GPM6B: variants seen among roughly 807,000 people sequenced by gnomAD.
GPM6B encodes glycoprotein M6B, also known as neuronal membrane glycoprotein M6-b.
GPM6B carries 4 observed loss-of-function variants against 27.2 expected under a neutral mutation model. That is an observed-to-expected ratio of 0.15 (90% CI 0.07 to 0.34). GPM6B has a LOEUF of 0.34. Among genes scored for constraint, GPM6B ranks in the 10% least tolerant of loss-of-function variants. The pLI, the probability that GPM6B is intolerant of heterozygous loss-of-function variation, is 1.00. For synonymous variants in GPM6B, 124 were observed against 103.1 expected (o/e 1.20, Z -1.23); for missense variants, 183 against 261.9 (o/e 0.70, Z 2.08).
rs1470093867 is a variant in GPM6B at position 13,810,802 on chromosome X, C to A, written c.62-3033G>T. Reference sequence around the variant, plus strand: ...GAAGACACACCGATGGGATCGGCAACTGGATGGATGTGTTCCAAATCCCCT... The same window carrying A: ...GAAGACACACCGATGGGATCGGCAAATGGATGGATGTGTTCCAAATCCCCT... On this transcript the variant is annotated intron_variant, in intron 1 of 7. Transcript: ENST00000316715. Among the ~76,000 whole-genome samples, 3 of 105,734 alleles carry A rather than the reference C, an allele frequency of 2.8e-5. No individual in the cohort carries two copies. The Admixed American group carries it at 3.0e-4, about 11-fold the overall frequency. 91.8% of individuals were successfully genotyped at this position (105,734 alleles called of 115,157 possible). A position where few individuals can be genotyped will look rare whatever the true frequency, so the allele number is the denominator to read the frequency against.
intron 1 of GPM6B, among the ~76,000 whole-genome samples, chrX:13,916,600 A>C (rs1894451129): frequency 9.0e-6 from 1 of 110,550 alleles, no homozygotes; most frequent in South Asian, 3.9e-4. Context: ...TATTGGATGG[A>C]AACTAATGCA....
chrX:13,904,218 C>T (rs1427005804), intron 1 of GPM6B, among the ~76,000 whole-genome samples: 1 of 111,572 alleles, frequency 9.0e-6, no homozygotes, highest in African/African-American at 3.3e-5. Context: ...TCTGTTAATG[C>T]TAGTGGAGGT....
chrX:13,920,880 G>A (rs1360395369), intron 1 of GPM6B, among the ~76,000 whole-genome samples: 3 of 100,677 alleles, frequency 3.0e-5, no homozygotes. Flanking sequence ...GATAGAGTGA[G>A]ATTCCGCCTC....
At chrX:13,863,332 T>C (rs73633582) in intron 1 of GPM6B, among the ~76,000 whole-genome samples, 1,136 of 111,087 alleles carry the variant, frequency 0.01, 17 homozygotes, top group African/African-American at 0.034. Context: ...GAAAAAAAAT[T>C]TACTGAGCTG....
intron 2 of GPM6B, among the ~76,000 whole-genome samples, chrX:13,789,835 C>A (rs1025201640): frequency 4.6e-5 from 5 of 109,712 alleles, no homozygotes; most frequent in African/African-American, 1.6e-4. Context: ...GAAGCCACTG[C>A]GTTTTTTTTT....
chrX:13,840,060 T>C (rs1383021424), intron 1 of GPM6B, among the ~76,000 whole-genome samples: 1 of 112,162 alleles, frequency 8.9e-6, no homozygotes, highest in African/African-American at 3.2e-5. Context: ...CAAAGGTGTT[T>C]AGATACAACA....
intron 1 of GPM6B, among the ~76,000 whole-genome samples, chrX:13,896,858 G>A (rs113563829): frequency 0.055 from 6,142 of 111,713 alleles, 236 homozygotes; most frequent in East Asian, 0.2. Flanking sequence ...ATGAGCCACC[G>A]CACTCTGCCA....
At position 13,779,996 on chromosome X, in the gene GPM6B, C is replaced by G; in HGVS notation, c.526-7G>C. The G allele has an allele frequency of 8.5e-7, 1 of 1,169,690 alleles. No individual in the cohort carries two copies. The highest frequency in any genetic ancestry group is 1.2e-6 in the Non-Finnish European group (1 of 865,947). On this transcript the variant is annotated splice_region_variant and splice_polypyrimidine_tract_variant and intron_variant, in intron 4 of 7. Coordinates refer to ENST00000316715, the MANE Select transcript of GPM6B (RefSeq NM_001001995.3). ...CATAGGTGAGGAAAACGAACTAGGC[C>G]AAAACAAGAGGAAGGACAATCATCA...
intron 1 of GPM6B, among the ~76,000 whole-genome samples, chrX:13,859,734 G>C (rs758500034): frequency 2.7e-5 from 3 of 111,317 alleles, no homozygotes; most frequent in Non-Finnish European, 5.7e-5. Context: ...TTTGAACCCA[G>C]CTAATCCATA....
At chrX:13,821,748 C>A (rs1037265296), upstream of GPM6B, among the ~76,000 whole-genome samples, 7 of 111,151 alleles carry the variant, frequency 6.3e-5, no homozygotes, top group African/African-American at 2.3e-4. Flanking sequence ...AGGCATGCAC[C>A]ACCACCCTGG....
chrX:13,873,687 C>A (rs2050003635), intron 1 of GPM6B, among the ~76,000 whole-genome samples: 3 of 111,734 alleles, frequency 2.7e-5, no homozygotes, highest in Middle Eastern at 4.6e-3. Flanking sequence ...GGTAAGCCCT[C>A]CAGTGACACT....
rs745969304 is a variant in GPM6B, at chrX:13,785,626, C to T, written c.364G>A (p.Glu122Lys). The T allele has an allele frequency of 8.3e-7, 1 of 1,210,401 alleles. No individual in the cohort carries two copies. The highest frequency in any genetic ancestry group is 3.0e-5 in the East Asian group (1 of 33,827). ...TAAAGGGAACCGGATACTTACACCT[C>T]GCTCAGCAAGGCATGGTCACTGGCG... ...TNASDHALLS[E>K]VIQLMQYVIY... Residue 122 changes from glutamate to lysine, a missense_variant, in exon 3 of 8, where the codon GAG becomes AAG. By Grantham distance (56) the Glu-to-Lys change is moderately conservative. Transcript: ENST00000316715.
intron 2 of GPM6B, among the ~76,000 whole-genome samples, chrX:13,799,148 T>C (rs2048869725): frequency 9.3e-6 from 1 of 107,461 alleles, no homozygotes; most frequent in South Asian, 4.0e-4. Context: ...GTTAACCCTA[T>C]TTACATGCAG....
At chrX:13,843,086 T>C (rs749126118) in intron 1 of GPM6B, among the ~76,000 whole-genome samples, 4 of 111,569 alleles carry the variant, frequency 3.6e-5, no homozygotes, top group Non-Finnish European at 7.5e-5. Context: ...AGTCAATCTG[T>C]ATTCCTCCCT....
At chrX:13,798,595 G>A (rs769336600) in intron 2 of GPM6B, among the ~76,000 whole-genome samples, 13 of 112,719 alleles carry the variant, frequency 1.2e-4, no homozygotes, top group East Asian at 2.8e-4. Flanking sequence ...TTTTAAAAGA[G>A]TGAGTTTCTC....
chrX:13,928,207 A>T (rs899207131), intron 1 of GPM6B, among the ~76,000 whole-genome samples: 21 of 112,357 alleles, frequency 1.9e-4, no homozygotes, highest in African/African-American at 6.5e-4. Flanking sequence ...TCTGTAAGGC[A>T]GCCTGAGGCG....
upstream of GPM6B, chrX:13,817,301 ATC>A (rs767608717): frequency 0.083 from 46,378 of 559,980 alleles, no homozygotes; most frequent in Non-Finnish European, 0.091. Flanking sequence ...CTCAATCTCG[ATC>A]TCTCTCTCTC....
intron 1 of GPM6B, among the ~76,000 whole-genome samples, chrX:13,836,216 C>A (rs1227077452): frequency 1.8e-5 from 2 of 111,749 alleles, no homozygotes; most frequent in East Asian, 5.6e-4. Context: ...TATCCTTGAT[C>A]TGCTACAACT....
At position 13,785,732 on chromosome X, in the gene GPM6B, G is replaced by A. The variant is rs200628866; in HGVS notation, c.258C>T (p.Ser86=). The A allele has an allele frequency of 4.1e-5, 49 of 1,209,228 alleles. No individual in the cohort carries two copies. Among genetic ancestry groups the A allele is most frequent in the East Asian group, 3.0e-5 (1 of 33,773 alleles). The change falls in exon 3 of 8, where the codon TCC becomes TCT. Residue 86 remains serine (S), a synonymous_variant. Transcript: ENST00000316715. ...ASLVATILCF[S]GVALFCGCGH... is the part of the protein sequence containing the mutation. ...CACAGCCGCAGAATAAGGCCACCCC[G>A]GAGAAGCAGAGGATGGTGGCCACCA...
Sources: allele counts gnomAD v4.1 joint callset (sites outside exome capture counted in the v4.1 genomes callset), GRCh38; gene constraint gnomAD v4.1.1; transcripts MANE v1.5; gene names NCBI Gene and HGNC (gene_info 2026-07-23, HGNC 2026-07-21).